TPST1: variants seen among roughly 807,000 people sequenced by gnomAD.
TPST1 encodes the protein protein-tyrosine sulfotransferase 1.
TPST1 carries 20 observed loss-of-function variants against 34.8 expected under a neutral mutation model. The observed-to-expected ratio is 0.57, with a 90% CI of 0.40 to 0.84. TPST1 has a LOEUF of 0.84. Among genes scored for constraint, TPST1 ranks in the 40% least tolerant of loss-of-function variants. TPST1 has a pLI of 0.00. For synonymous variants in TPST1, 152 were observed against 159.4 expected (o/e 0.95, Z 0.35); for missense variants, 353 against 455.5 (o/e 0.78, Z 2.05).
chr7:66,226,911 G>C (rs1355659687), intron 1 of TPST1, among the ~76,000 whole-genome samples: 1 of 151,132 alleles, frequency 6.6e-6, no homozygotes, highest in Non-Finnish European at 1.5e-5. Flanking sequence ...GGGATGATAA[G>C]CTATTATCAT....
intron 4 of TPST1, among the ~76,000 whole-genome samples, chr7:66,356,030 C>A (rs1236580505): frequency 1.3e-5 from 2 of 151,086 alleles, no homozygotes; most frequent in Admixed American, 6.6e-5. Context: ...CAGAGGGAAA[C>A]CTTGTCTATT....
chr7:66,221,918 G>C (rs1789551251), intron 1 of TPST1, among the ~76,000 whole-genome samples: 1 of 152,148 alleles, frequency 6.6e-6, no homozygotes, highest in Admixed American at 6.5e-5. Context: ...GGCAATGATT[G>C]AAATTGCAAA....
chr7:66,336,803 C>G (rs1481552527), intron 3 of TPST1, among the ~76,000 whole-genome samples: 3 of 152,100 alleles, frequency 2.0e-5, no homozygotes, highest in Non-Finnish European at 4.4e-5. Flanking sequence ...TGGCACATAA[C>G]AATCTGGTTA....
At chr7:66,352,719 G>A in intron 4 of TPST1, 164 bp downstream of exon 4, 1 of 985,386 alleles carries the variant, frequency 1.0e-6, no homozygotes, top group South Asian at 4.7e-5. Context: ...TCAGCGTCTG[G>A]GACTTGTTGA....
Position 66,238,980 on chromosome 7 carries a change from C to T in TPST1, c.-101-1345C>T, listed in dbSNP as rs568970617. Among the ~76,000 whole-genome samples, 6 of 152,306 alleles carry T rather than the reference C, an allele frequency of 3.9e-5. No individual in the cohort carries two copies. In the South Asian group the frequency reaches 1.0e-3, roughly 26 times the overall value. ...TGCAGCATGGAGTGCTTCCTGTGTC[C>T]AGATCTTACCTGTCCTTCTGAGGAT... On this transcript the variant is annotated intron_variant, in intron 1 of 5. Coordinates refer to ENST00000304842, the MANE Select transcript of TPST1 (RefSeq NM_003596.4).
chr7:66,223,786 C>T (rs1222777168), intron 1 of TPST1, among the ~76,000 whole-genome samples: 3 of 152,210 alleles, frequency 2.0e-5, no homozygotes, highest in Non-Finnish European at 2.9e-5. Context: ...AAGTGCCCAT[C>T]ACTCAGCTTC....
chr7:66,227,778 A>G (rs1362701139), intron 1 of TPST1, among the ~76,000 whole-genome samples: 3 of 152,020 alleles, frequency 2.0e-5, no homozygotes, highest in Non-Finnish European at 2.9e-5. Flanking sequence ...AAAGAGATGA[A>G]TCAAATATTT....
At chr7:66,227,028 C>CTTTTTGTTT (rs1789670443) in intron 1 of TPST1, among the ~76,000 whole-genome samples, 2 of 69,200 alleles carry the variant, frequency 2.9e-5, no homozygotes, top group African/African-American at 6.7e-5. Context: ...TTAAAATAAG[C>CTTTTTGTTT]TTTTTTTTTT....
rs1584249233 is a variant in TPST1, at chr7:66,334,894, G to T, written c.1045-17611G>T. On this transcript the variant is annotated intron_variant, in intron 3 of 5. Transcript: ENST00000304842. ...TCACTGGTCTGGGAATCTTCCCAGG[G>T]AGCCCACTCCCGTCCCATCAGGGAG... Among the ~76,000 whole-genome samples the T allele has an allele frequency of 2.0e-5, 3 of 152,112 alleles. No individual in the cohort carries two copies. In the East Asian group the frequency reaches 5.8e-4, roughly 29 times the overall value.
In TPST1 at chr7:66,240,408, C is replaced by T. The variant is rs183906691; in HGVS notation, c.-18C>T. The T allele has an allele frequency of 2.6e-3, 4,205 of 1,606,724 alleles. 16 individuals are homozygous for T. The highest frequency in any genetic ancestry group is 3.2e-3 in the Non-Finnish European group (3,814 of 1,175,786). On this transcript the variant is annotated 5_prime_UTR_variant, in exon 2 of 6. Coordinates refer to ENST00000304842, the MANE Select transcript of TPST1 (RefSeq NM_003596.4). Reference sequence around the variant, plus strand: ...TTTGAGCAAAATATCTGTTTAATAACAAGATAACCACATCAAGATGGTTGG... The same window carrying T: ...TTTGAGCAAAATATCTGTTTAATAATAAGATAACCACATCAAGATGGTTGG...
At chr7:66,215,367 T>C (rs1360822009) in intron 1 of TPST1, among the ~76,000 whole-genome samples, 1 of 149,868 alleles carries the variant, frequency 6.7e-6, no homozygotes, top group Non-Finnish European at 1.5e-5. Context: ...CCTAATATTA[T>C]ATATATGTAT....
intron 2 of TPST1, among the ~76,000 whole-genome samples, chr7:66,285,969 A>G (rs1791025690): frequency 6.6e-6 from 1 of 152,156 alleles, no homozygotes; most frequent in South Asian, 2.1e-4. Flanking sequence ...TTACGTTCTT[A>G]GTGGTTTATG....
At chr7:66,252,532 G>A (rs1228234755) in intron 2 of TPST1, among the ~76,000 whole-genome samples, 2 of 144,988 alleles carry the variant, frequency 1.4e-5, no homozygotes, top group Non-Finnish European at 3.0e-5. Context: ...TAGTAGAGAC[G>A]GGGTGTTAGC....
At chr7:66,246,803 A>G (rs1411979449) in intron 2 of TPST1, among the ~76,000 whole-genome samples, 1 of 152,238 alleles carries the variant, frequency 6.6e-6, no homozygotes, top group African/African-American at 2.4e-5. Context: ...TCTAAGCAGC[A>G]CAGCAGGGGT....
intron 2 of TPST1, among the ~76,000 whole-genome samples, chr7:66,285,895 T>C (rs968182085): frequency 4.6e-5 from 7 of 152,216 alleles, no homozygotes; most frequent in African/African-American, 1.7e-4. Context: ...ACAGCCCTTT[T>C]TTTTCTTCTG....
At chr7:66,327,873 A>G (rs905145667) in intron 3 of TPST1, among the ~76,000 whole-genome samples, 2 of 151,972 alleles carry the variant, frequency 1.3e-5, no homozygotes, top group African/African-American at 4.8e-5. Flanking sequence ...CTAAAGATCT[A>G]TTTTTTAAAA....
intron 4 of TPST1, 73 bp from the exon 5 acceptor site, chr7:66,356,752 T>G: frequency 6.3e-7 from 1 of 1,577,098 alleles, no homozygotes; most frequent in Non-Finnish European, 8.7e-7. Context: ...CCCCTCATGT[T>G]TCAGTGGGGA....
intron 3 of TPST1, among the ~76,000 whole-genome samples, chr7:66,298,971 A>G (rs1234953891): frequency 6.6e-6 from 1 of 152,058 alleles, no homozygotes; most frequent in Non-Finnish European, 1.5e-5. Context: ...AAAAATACAA[A>G]AAGAATTAGC....
intron 4 of TPST1, chr7:66,353,009 G>C (rs1792512449): frequency 1.0e-6 from 1 of 985,156 alleles, no homozygotes; most frequent in Non-Finnish European, 1.2e-6. Flanking sequence ...CCCCTGGGAA[G>C]GACAGTGAGA....
Sources: allele counts gnomAD v4.1 joint callset (sites outside exome capture counted in the v4.1 genomes callset), GRCh38; gene constraint gnomAD v4.1.1; transcripts MANE v1.5; gene names NCBI Gene and HGNC (gene_info 2026-07-23, HGNC 2026-07-21).